SLC25A30: variants seen among roughly 807,000 people sequenced by gnomAD.
The protein encoded by SLC25A30 is solute carrier family 25 member 30.
Under a neutral mutation model 42.7 loss-of-function variants are expected in SLC25A30, and 29 were observed. The ratio of observed to expected loss-of-function variants is 0.68; its 90% CI spans 0.51 to 0.93. SLC25A30 has a LOEUF of 0.93. SLC25A30 is among the 40% of genes least tolerant of loss of function. SLC25A30 has a pLI of 0.00. For synonymous variants in SLC25A30, 124 were observed against 131.0 expected, an observed-to-expected ratio of 0.95 and a Z score of 0.37; for missense variants, 300 against 359.7, an observed-to-expected ratio of 0.83 and a Z score of 1.34.
chr13:45,420,229 C>G (rs181749619), upstream of SLC25A30: 1 of 152,162 alleles, frequency 6.6e-6, no homozygotes, highest in South Asian at 2.1e-4. Flanking sequence ...TCTCTCATTT[C>G]CTTCTCTTGT....
the SLC25A30 span, among the ~76,000 whole-genome samples, chr13:45,432,569 C>G: frequency 1.3e-5 from 2 of 151,972 alleles, no homozygotes; most frequent in Non-Finnish European, 2.9e-5. Context: ...TTTAATATTT[C>G]TCAGTAGTTT....
At chr13:45,396,268 G>A in intron 9 of SLC25A30, 1 of 1,355,944 alleles carries the variant, frequency 7.4e-7, no homozygotes, top group Non-Finnish European at 9.5e-7. Flanking sequence ...CATCTACGCT[G>A]ATAAGCTTTT....
chr13:45,422,805 G>T (rs978276591), upstream of SLC25A30, among the ~76,000 whole-genome samples: 9 of 152,032 alleles, frequency 5.9e-5, no homozygotes, highest in African/African-American at 2.2e-4. Context: ...CCAAACACAG[G>T]GATACTCCCT....
Position 45,400,026 on chromosome 13 carries a change from A to G in SLC25A30, c.615-948T>C, listed in dbSNP as rs867457107. ...GGATTATGTATGATTATATATATAT[A>G]TATATATACACACACACACACACAC... On this transcript the variant is annotated intron_variant, in intron 7 of 9. Coordinates refer to ENST00000519676, the MANE Select transcript of SLC25A30 (RefSeq NM_001010875.4). Among the ~76,000 whole-genome samples the G allele has an allele frequency of 9.2e-4, 81 of 87,642 alleles. 1 individual carries two copies. The highest frequency in any genetic ancestry group is 5.1e-3 in the African/African-American group (76 of 14,820). 57.5% of individuals were successfully genotyped at this position (87,642 alleles called of 152,430 possible).
chr13:45,402,436 T>C lies in SLC25A30; in HGVS notation c.394-66A>G, dbSNP rs1882086471. 5 of 1,260,052 alleles carry C rather than the reference T, an allele frequency of 4.0e-6. No individual in the cohort carries two copies. The South Asian group carries it at 6.1e-5, about 15-fold the overall frequency. The allele number at this position is 1,260,052 out of a possible 1,614,324, so 78.1% of individuals were successfully genotyped here. A position where few individuals can be genotyped will look rare whatever the true frequency, so the allele number is the denominator to read the frequency against. On this transcript the variant is annotated intron_variant, in intron 5 of 9. Transcript: ENST00000519676. ...CACAATCCCACCCACAACCAATGTA[T>C]ACCTCTGACAGTCAGTCCGTCAGTC...
At chr13:45,423,990 T>C in the SLC25A30 span, among the ~76,000 whole-genome samples, 1 of 87,176 alleles carries the variant, frequency 1.1e-5, no homozygotes, top group African/African-American at 4.6e-5. Flanking sequence ...TATATTTATA[T>C]AAATATATAT....
At chr13:45,416,179 G>C (rs561082493) in intron 1 of SLC25A30, among the ~76,000 whole-genome samples, 1 of 151,834 alleles carries the variant, frequency 6.6e-6, no homozygotes, top group Non-Finnish European at 1.5e-5. Context: ...AGGCCGAGGC[G>C]GGTGGATCAC....
chr13:45,411,830 C>T lies in SLC25A30; in HGVS notation c.-55-350G>A, dbSNP rs568341121. 4 of 207,398 alleles carry T rather than the reference C, an allele frequency of 1.9e-5. No homozygotes were observed. The South Asian group carries it at 3.2e-4, about 17-fold the overall frequency. The allele number at this position is 207,398 out of a possible 1,614,324, so 12.8% of individuals were successfully genotyped here. A position where few individuals can be genotyped will look rare whatever the true frequency, so the allele number is the denominator to read the frequency against. On this transcript the variant is annotated intron_variant, in intron 1 of 9. Coordinates refer to ENST00000519676, the MANE Select transcript of SLC25A30 (RefSeq NM_001010875.4). ...CTATTCTTCATGCAATAAGTATTTG[C>T]AGCAGCCATGATGGCTCACGCCTGT... is the stretch of plus-strand genomic sequence containing the variant.
the SLC25A30 span, among the ~76,000 whole-genome samples, chr13:45,426,214 G>A: frequency 6.6e-6 from 1 of 152,036 alleles, no homozygotes; most frequent in African/African-American, 2.4e-5. Flanking sequence ...AGCCTCCTGA[G>A]TGGCTGGGAC....
chr13:45,393,446 G>A lies in SLC25A30; in HGVS notation c.*2528C>T. On this transcript the variant is annotated 3_prime_UTR_variant, in exon 10 of 10. Transcript: ENST00000519676. The stretch of plus-strand genomic sequence containing the variant: ...GAAAACTTCATACTCTTTATATAAT[G>A]CATACTATTTCTAGCACATGAATAA... 1.0e-6 allele frequency: 1 copy of A among 982,722 alleles called. No homozygotes were observed. The highest frequency in any genetic ancestry group is 1.2e-6 in the Non-Finnish European group (1 of 827,564). 60.9% of individuals were successfully genotyped at this position (982,722 alleles called of 1,614,324 possible). A position where few individuals can be genotyped will look rare whatever the true frequency, so the allele number is the denominator to read the frequency against.
chr13:45,397,515 AC>A (rs1881467858), intron 8 of SLC25A30, 177 bp from the exon 9 acceptor site: 6 of 476,920 alleles, frequency 1.3e-5, no homozygotes, highest in East Asian at 3.7e-5. Flanking sequence ...ATGCAGTGAA[AC>A]CCTGTCTCTA....
At chr13:45,430,550 A>G in the SLC25A30 span, among the ~76,000 whole-genome samples, 5 of 152,138 alleles carry the variant, frequency 3.3e-5, no homozygotes, top group Admixed American at 1.3e-4. Context: ...TCATGCCTGT[A>G]ATCCCAGCAC....
In SLC25A30 at chr13:45,405,891, C is replaced by G. The variant is rs750605865; in HGVS notation, c.299G>C (p.Arg100Pro). The G allele has an allele frequency of 6.2e-7, 1 of 1,613,922 alleles. No individual in the cohort carries two copies. ...YQSLKRLFIE[R>P]PEDETLPINV... is the part of the protein sequence containing the mutation. ...ACAGATTCCCCACTCACCTTCTGGGCGTTCAATGAATAGTCGCTTCAAGCT... is the reference window on the plus strand; with the variant it reads ...ACAGATTCCCCACTCACCTTCTGGGGGTTCAATGAATAGTCGCTTCAAGCT... The change falls in exon 4 of 10, where the codon CGC becomes CCC. Residue 100 changes from arginine (R) to proline (P), a missense_variant. Physicochemically the swap from Arg to Pro is moderately radical, Grantham distance 103 (BLOSUM62 -2). Transcript: ENST00000519676.
the SLC25A30 span, among the ~76,000 whole-genome samples, chr13:45,433,596 G>A: frequency 6.6e-6 from 1 of 152,186 alleles, no homozygotes; most frequent in African/African-American, 2.4e-5. Context: ...CTGATAAAGA[G>A]CATACATGAG....
chr13:45,403,978 A>G (rs1176320132), intron 5 of SLC25A30, among the ~76,000 whole-genome samples: 1 of 152,080 alleles, frequency 6.6e-6, no homozygotes, highest in African/African-American at 2.4e-5. Flanking sequence ...ATAGTCATTA[A>G]TGAGCAGCCT....
At chr13:45,415,153 G>T (rs886995449) in intron 1 of SLC25A30, among the ~76,000 whole-genome samples, 4 of 152,270 alleles carry the variant, frequency 2.6e-5, no homozygotes, top group Admixed American at 6.5e-5. Context: ...CTGAATACCT[G>T]CTGTTAGGCA....
At chr13:45,418,894 G>C (rs552232458), upstream of SLC25A30, among the ~76,000 whole-genome samples, 1 of 129,846 alleles carries the variant, frequency 7.7e-6, no homozygotes, top group East Asian at 2.5e-4. Context: ...TGAGCAGAGA[G>C]CGTACCACTG....
the SLC25A30 span, among the ~76,000 whole-genome samples, chr13:45,424,883 AATATATATTT>A: frequency 1.7e-5 from 1 of 57,668 alleles, no homozygotes; most frequent in Non-Finnish European, 3.1e-5. Flanking sequence ...TAAATATATA[AATATATATTT>A]AAATATATAT....
intron 4 of SLC25A30, among the ~76,000 whole-genome samples, chr13:45,405,209 G>A (rs73476591): frequency 0.1 from 15,419 of 152,180 alleles, 2,037 homozygotes; most frequent in African/African-American, 0.31. Flanking sequence ...ACAGGCACGC[G>A]CCACCGCACC....
Sources: allele counts gnomAD v4.1 joint callset (sites outside exome capture counted in the v4.1 genomes callset), GRCh38; gene constraint gnomAD v4.1.1; transcripts MANE v1.5; gene names NCBI Gene and HGNC (gene_info 2026-07-23, HGNC 2026-07-21).